The following UPF1 variants were observed in gnomAD, a reference collection of about 807,000 sequenced individuals.
The protein encoded by UPF1 is UPF1 RNA helicase and ATPase.
In UPF1, 9 loss-of-function variants were observed where a neutral mutation model predicts 129.2. The ratio of observed to expected loss-of-function variants is 0.07; its 90% CI spans 0.04 to 0.12. The LOEUF (loss-of-function observed/expected upper bound fraction) is 0.12, where lower values mean the gene tolerates loss of function less well. UPF1 is among the 10% of genes least tolerant of loss of function. The probability of loss-of-function intolerance (pLI) is 1.00; values close to 1 mark genes in which losing one functional copy is unlikely to be tolerated. For missense variants in UPF1, 788 were observed against 1,525.3 expected (o/e 0.52, Z 8.05); for synonymous variants, 649 against 644.9 (o/e 1.01, Z -0.10).
At chr19:18,866,378 C>G in intron 23 of UPF1, 143 bp from the exon 24 acceptor site, 1 of 612,038 alleles carries the variant, frequency 1.6e-6, no homozygotes, top group East Asian at 3.4e-5. Context: ...CCTGTCTGCT[C>G]CGGGGACCAC....
intron 8 of UPF1, among the ~76,000 whole-genome samples, chr19:18,854,062 A>G (rs2055689346): frequency 6.6e-6 from 1 of 152,110 alleles, no homozygotes; most frequent in African/African-American, 2.4e-5. Context: ...GGGTCGAGGG[A>G]AGGGTGTTGC....
At chr19:18,860,533 CTT>C (rs1241260581) in intron 16 of UPF1, 95 bp downstream of exon 16, 14 of 1,259,890 alleles carry the variant, frequency 1.1e-5, no homozygotes, top group Non-Finnish European at 1.6e-5. Flanking sequence ...GGGACTGAAA[CTT>C]TTTTTGCCTT....
intron 8 of UPF1, among the ~76,000 whole-genome samples, chr19:18,854,336 T>C (rs1394678643): frequency 6.6e-6 from 1 of 152,032 alleles, no homozygotes. Flanking sequence ...GGGGCCTAGA[T>C]GGGTGGCTGG....
In UPF1 at chr19:18,867,916, C is replaced by T. The variant is rs984781543; in HGVS notation, c.*1399C>T. On this transcript the variant is annotated 3_prime_UTR_variant, in exon 24 of 24. Transcript: ENST00000262803. ...CAGACGGGGACGCACAGGCCACCTT[C>T]CTTCTGGCAGGGACTCTTATTTATT... is the stretch of plus-strand genomic sequence containing the variant. 6.5e-6 allele frequency: 1 copy of T among 152,690 alleles called. No homozygotes were observed. Among genetic ancestry groups the T allele is most frequent in the Non-Finnish European group, 1.5e-5 (1 of 68,364 alleles). The allele number at this position is 152,690 out of a possible 1,614,324, so 9.5% of individuals were successfully genotyped here. A position where few individuals can be genotyped will look rare whatever the true frequency, so the allele number is the denominator to read the frequency against.
rs770875809 is a variant in UPF1 at position 18,855,058 on chromosome 19, C to T, written c.1425+20C>T. The T allele has an allele frequency of 2.3e-5, 37 of 1,612,908 alleles. No homozygotes were observed. The highest frequency in any genetic ancestry group is 4.5e-5 in the East Asian group (2 of 44,870). On this transcript the variant is annotated intron_variant, in intron 10 of 23. Transcript: ENST00000262803. The stretch of plus-strand genomic sequence containing the variant: ...TCCCAGGTGCGCGCCGTCCTCAGCG[C>T]GCGGGGCCTCGCCCATGGGCCGGGA...
intron 1 of UPF1, 43 bp from the exon 2 acceptor site, chr19:18,845,937 G>A (rs748478930): frequency 3.7e-6 from 6 of 1,608,024 alleles, no homozygotes; most frequent in Admixed American, 1.7e-5. Context: ...ACTGAGTCCT[G>A]GAAGCTGCAG....
At chr19:18,861,881 C>A in intron 17 of UPF1, 129 bp from the exon 18 acceptor site, 2 of 1,239,070 alleles carry the variant, frequency 1.6e-6, no homozygotes, top group Non-Finnish European at 2.2e-6. Context: ...CCCCTAGGTG[C>A]GGTGAGCAGG....
chr19:18,862,272 G>A lies in UPF1; in HGVS notation c.2600+120G>A, dbSNP rs1422858532. On this transcript the variant is annotated intron_variant, in intron 18 of 23. Coordinates refer to ENST00000262803, the MANE Select transcript of UPF1 (RefSeq NM_002911.4). The stretch of plus-strand genomic sequence containing the variant: ...GGTCAGAGGACTCTGAGCAGCAGTT[G>A]AGAAACGATGTCTCACTGGAGAGAT... The A allele has an allele frequency of 5.6e-5, 81 of 1,439,814 alleles. No homozygotes were observed. In the East Asian group the frequency reaches 1.8e-3, roughly 32 times the overall value. The allele number at this position is 1,439,814 out of a possible 1,614,324, so 89.2% of individuals were successfully genotyped here.
chr19:18,837,893 A>T (rs1161142889), intron 1 of UPF1, among the ~76,000 whole-genome samples: 1 of 152,230 alleles, frequency 6.6e-6, no homozygotes, highest in Non-Finnish European at 1.5e-5. Context: ...CGTAAGGGAC[A>T]ACTAGCTAAA....
At chr19:18,866,246 A>C in intron 23 of UPF1, 80 bp downstream of exon 23, 1 of 1,458,446 alleles carries the variant, frequency 6.9e-7, no homozygotes. Context: ...AGGGAGCTGC[A>C]CTGGAGGGGT....
intron 1 of UPF1, among the ~76,000 whole-genome samples, chr19:18,835,603 G>A (rs1027052645): frequency 6.6e-6 from 1 of 152,204 alleles, no homozygotes; most frequent in Non-Finnish European, 1.5e-5. Flanking sequence ...GCCTCCCAAA[G>A]TGCTGGGATT....
In UPF1 at chr19:18,853,040, C is replaced by T. The variant is rs780792461; in HGVS notation, c.1026C>T (p.Ile342=). Residue 342 remains isoleucine (I), a synonymous_variant, in exon 7 of 24, where the codon ATC becomes ATT. Coordinates refer to ENST00000262803, the MANE Select transcript of UPF1 (RefSeq NM_002911.4). The surrounding 1 kb of genome is among the most constrained non-coding windows in gnomAD (Gnocchi z 4.4). Reference sequence around the variant, plus strand: ...ACCTGGGCCTTAACAAGAAGAGAATCGCCTACTTCACTTTGCCCAAGACTG... The same window carrying T: ...ACCTGGGCCTTAACAAGAAGAGAATTGCCTACTTCACTTTGCCCAAGACTG... ...RWDLGLNKKR[I]AYFTLPKTDS... is the part of the protein sequence containing the mutation. 9.8e-5 allele frequency: 158 copies of T among 1,613,982 alleles called. No homozygotes were observed. The highest frequency in any genetic ancestry group is 1.3e-4 in the Non-Finnish European group (155 of 1,180,014).
At chr19:18,857,121 G>A (rs764713314) in intron 14 of UPF1, 101 bp downstream of exon 14, 1 of 1,536,002 alleles carries the variant, frequency 6.5e-7, no homozygotes, top group South Asian at 1.3e-5. Context: ...GCCCAGCAGA[G>A]TGTGCGCACA....
At chr19:18,863,660 C>T (rs777843700) in intron 19 of UPF1, 48 bp downstream of exon 19, 1 of 1,535,846 alleles carries the variant, frequency 6.5e-7, no homozygotes, top group Non-Finnish European at 8.8e-7. Flanking sequence ...AACCCGGGCC[C>T]AAAACACTGC....
rs1001492598 is a variant in UPF1 at position 18,867,087 on chromosome 19, C to T, written c.*570C>T. ...TTTTCTCTTTGTTTTTTTCAAGATTCTTTTAAAGGAGTACTGAAGAATACT... is the reference window on the plus strand; with the variant it reads ...TTTTCTCTTTGTTTTTTTCAAGATTTTTTTAAAGGAGTACTGAAGAATACT... On this transcript the variant is annotated 3_prime_UTR_variant, in exon 24 of 24. Coordinates refer to ENST00000262803, the MANE Select transcript of UPF1 (RefSeq NM_002911.4). The T allele has an allele frequency of 2.0e-5, 3 of 152,570 alleles. No individual in the cohort carries two copies. The highest frequency in any genetic ancestry group is 7.2e-5 in the African/African-American group (3 of 41,446). The allele number at this position is 152,570 out of a possible 1,614,324, so 9.5% of individuals were successfully genotyped here. A position where few individuals can be genotyped will look rare whatever the true frequency, so the allele number is the denominator to read the frequency against.
chr19:18,845,891 G>C, intron 1 of UPF1, 89 bp from the exon 2 acceptor site: 1 of 1,514,044 alleles, frequency 6.6e-7, no homozygotes, highest in Non-Finnish European at 8.9e-7. Flanking sequence ...TGAGGCCAGG[G>C]TGTCACACCA....
chr19:18,834,301 G>T (rs2055460608), intron 1 of UPF1, among the ~76,000 whole-genome samples: 1 of 152,240 alleles, frequency 6.6e-6, no homozygotes, highest in South Asian at 2.1e-4. Flanking sequence ...GGTTGGCTGG[G>T]TGTGAAAGGT....
chr19:18,853,766 G>A lies in UPF1; in HGVS notation c.1156+416G>A, dbSNP rs1258181409. On this transcript the variant is annotated intron_variant, in intron 8 of 23. Transcript: ENST00000262803. This position sits in a 1 kb window ranked among gnomAD's most constrained non-coding sequence, Gnocchi z 4.4. ...ATGCAGACCCTCTGAGCACACACTT[G>A]CTCCCAGGCCATGTTTGGGAATGTG... Among the ~76,000 whole-genome samples, 1 of 152,236 alleles carries A rather than the reference G, an allele frequency of 6.6e-6. No homozygotes were observed. Among genetic ancestry groups the A allele is most frequent in the East Asian group, 1.9e-4 (1 of 5,194 alleles).
At chr19:18,844,378 C>T (rs373416925) in intron 1 of UPF1, among the ~76,000 whole-genome samples, 22 of 150,920 alleles carry the variant, frequency 1.5e-4, no homozygotes, top group East Asian at 9.8e-4. Context: ...GTGGAGCGTG[C>T]AGTGGCACGG....
Sources: gnomAD v4.1 joint callset for allele counts (sites outside exome capture counted in the v4.1 genomes callset) on GRCh38, gnomAD v4.1.1 for gene constraint, Gnocchi (gnomAD v3.1) non-coding constraint, MANE v1.5 for transcripts, NCBI Gene and HGNC (gene_info 2026-07-23, HGNC 2026-07-21) for gene names.